The following RTTN variants were observed in gnomAD, a reference collection of about 807,000 sequenced individuals.
RTTN encodes rotatin.
A neutral mutation model predicts 269.2 loss-of-function variants in RTTN; 182 were observed. That is an observed-to-expected ratio of 0.68 (90% CI 0.60 to 0.76). The LOEUF (loss-of-function observed/expected upper bound fraction) is 0.76, where lower values mean the gene tolerates loss of function less well. RTTN is among the 30% of genes least tolerant of loss of function. The pLI, the probability that RTTN is intolerant of heterozygous loss-of-function variation, is 0.00. For synonymous variants in RTTN, 1,006 were observed against 963.5 expected (o/e 1.04, Z -0.82); for missense variants, 2,545 against 2,608.6 (o/e 0.98, Z 0.53).
intron 19 of RTTN, 102 bp from the exon 20 acceptor site, chr18:70,140,290 A>G (rs2060224166): frequency 1.5e-6 from 1 of 661,852 alleles, no homozygotes; most frequent in Non-Finnish European, 2.6e-6. Flanking sequence ...CCTTCAAACT[A>G]TTAAAAATAC....
chr18:70,062,956 T>C (rs748605083), intron 35 of RTTN, among the ~76,000 whole-genome samples: 7 of 152,156 alleles, frequency 4.6e-5, no homozygotes, highest in Non-Finnish European at 7.3e-5. Flanking sequence ...AATTTTGTTA[T>C]ATGTTTATCA....
chr18:70,007,578 G>A (rs1217981402), intron 46 of RTTN: 1 of 152,286 alleles, frequency 6.6e-6, no homozygotes, highest in Non-Finnish European at 1.5e-5. Context: ...GGGGAGAGGG[G>A]TGTCCACCAT....
intron 32 of RTTN, among the ~76,000 whole-genome samples, chr18:70,077,826 T>C (rs1167546706): frequency 4.0e-5 from 6 of 151,790 alleles, no homozygotes; most frequent in Admixed American, 6.6e-5. Flanking sequence ...CCTACCAAGA[T>C]TGAAGAAGCT....
At chr18:70,137,489 T>C (rs1163377692) in intron 21 of RTTN, among the ~76,000 whole-genome samples, 5 of 152,090 alleles carry the variant, frequency 3.3e-5, no homozygotes, top group African/African-American at 1.2e-4. Flanking sequence ...CTCCCCTGTT[T>C]AACAACCTTA....
At chr18:70,149,947 T>TAAA (rs1159547691) in intron 16 of RTTN, 24 bp downstream of exon 16, 2 of 1,473,658 alleles carry the variant, frequency 1.4e-6, no homozygotes, top group Non-Finnish European at 1.9e-6. Context: ...AATGGTATCA[T>TAAA]AAAAAGTGAA....
At chr18:70,140,077 G>GTCTA (rs1179606956) in intron 20 of RTTN, 23 bp downstream of exon 20, 5 of 1,444,976 alleles carry the variant, frequency 3.5e-6, no homozygotes, top group Non-Finnish European at 9.7e-7. Flanking sequence ...GTAAAACAAT[G>GTCTA]TCTAGATGCA....
At chr18:70,038,360 C>T (rs1028356836) in intron 40 of RTTN, among the ~76,000 whole-genome samples, 4 of 152,118 alleles carry the variant, frequency 2.6e-5, no homozygotes, top group Non-Finnish European at 5.9e-5. Context: ...TGGTGGTAGC[C>T]ACAGGGATGC....
rs1368052773 is a variant in RTTN at position 70,140,160 on chromosome 18, C to T, written c.2610G>A (p.Lys870=). 6.3e-7 allele frequency: 1 copy of T among 1,595,728 alleles called. No homozygotes were observed. Among genetic ancestry groups the T allele is most frequent in the Non-Finnish European group, 8.6e-7 (1 of 1,164,508 alleles). ...QDIKMHAVVK[K]LCLIDKIIEY... ...CAATTATTTTGTCAATTAAGCATAA[C>T]TTTTTCACCACAGCATGCATTTTAA... Residue 870 remains lysine (K), a synonymous_variant, in exon 20 of 49, where the codon AAG becomes AAA. Transcript: ENST00000640769.
intron 10 of RTTN, among the ~76,000 whole-genome samples, chr18:70,181,767 T>C (rs1363934210): frequency 6.6e-6 from 1 of 152,228 alleles, no homozygotes; most frequent in African/African-American, 2.4e-5. Flanking sequence ...ACTTGTTTGC[T>C]TCTTTTAAAA....
rs144295307 is a variant in RTTN at position 70,010,855 on chromosome 18, A to T, written c.6422-4371T>A. ...TAGACCACTAGCCTGACTAATAAAG[A>T]AGAAAAGAGAGAAGAATCAAATAGA... On this transcript the variant is annotated intron_variant, in intron 46 of 48. Coordinates refer to ENST00000640769, the MANE Select transcript of RTTN (RefSeq NM_173630.4). Among the ~76,000 whole-genome samples, 12 of 152,092 alleles carry T rather than the reference A, an allele frequency of 7.9e-5. No individual in the cohort carries two copies. In the East Asian group the frequency reaches 2.3e-3, roughly 29 times the overall value.
chr18:70,008,910 GAAC>G (rs2056282478), intron 46 of RTTN: 1 of 151,994 alleles, frequency 6.6e-6, no homozygotes, highest in African/African-American at 2.4e-5. Context: ...GAAATACAGA[GAAC>G]ACCACAAAGA....
intron 32 of RTTN, among the ~76,000 whole-genome samples, chr18:70,083,070 T>C (rs2058612549): frequency 2.6e-5 from 4 of 152,118 alleles, no homozygotes; most frequent in Admixed American, 1.3e-4. Flanking sequence ...GAAAAGTTAG[T>C]GTCCTGAATA....
In RTTN at chr18:70,092,130, A is replaced by G; in HGVS notation, c.4123T>C (p.Trp1375Arg). 1 of 1,611,694 alleles carries G rather than the reference A, an allele frequency of 6.2e-7. No individual in the cohort carries two copies. The highest frequency in any genetic ancestry group is 8.5e-7 in the Non-Finnish European group (1 of 1,177,940). The change falls in exon 30 of 49, where the codon TGG becomes CGG. Residue 1375 changes from tryptophan to arginine, a missense_variant. Coordinates refer to ENST00000640769, the MANE Select transcript of RTTN (RefSeq NM_173630.4). ...CTCACCTCTGGGTCCCGATCAACCC[A>G]TAATGGAATCAACCAAGCCAATCCT... ...QQGLAWLIPL[W>R]VDRDPEVRFT...
At chr18:70,179,711 G>C (rs1174166026) in intron 10 of RTTN, among the ~76,000 whole-genome samples, 4 of 152,198 alleles carry the variant, frequency 2.6e-5, no homozygotes, top group Admixed American at 2.0e-4. Flanking sequence ...AGATTTTATA[G>C]TGTAAACACA....
rs776033826 is a variant in RTTN, at chr18:70,205,670, A to T, written c.-12T>A. 1 of 1,614,064 alleles carries T rather than the reference A, an allele frequency of 6.2e-7. No individual in the cohort carries two copies. Among genetic ancestry groups the T allele is most frequent in the East Asian group, 2.2e-5 (1 of 44,848 alleles). The stretch of plus-strand genomic sequence containing the variant: ...CCTGCCAGGACCATCTCGTCCCGTC[A>T]ATCTGCAGCCGCCGGAGAATTAAAC... On this transcript the variant is annotated 5_prime_UTR_variant, in exon 1 of 49. Coordinates refer to ENST00000640769, the MANE Select transcript of RTTN (RefSeq NM_173630.4).
At chr18:70,067,448 C>G (rs751791065) in intron 34 of RTTN, among the ~76,000 whole-genome samples, 1 of 151,536 alleles carries the variant, frequency 6.6e-6, no homozygotes, top group East Asian at 1.9e-4. Context: ...CGTGAGCCAC[C>G]GCGCCCAGCA....
At chr18:70,026,339 G>A (rs1334017799) in intron 43 of RTTN, among the ~76,000 whole-genome samples, 2 of 152,130 alleles carry the variant, frequency 1.3e-5, no homozygotes, top group East Asian at 3.9e-4. Flanking sequence ...CTGGTGGGAG[G>A]TGTTTATATC....
At chr18:70,095,718 C>T (rs548026437) in intron 28 of RTTN, among the ~76,000 whole-genome samples, 2 of 151,966 alleles carry the variant, frequency 1.3e-5, no homozygotes, top group Admixed American at 6.6e-5. Context: ...TCTCTGGCTG[C>T]CCTTAATATA....
At chr18:70,203,077 TAAC>T (rs926512702) in intron 3 of RTTN, among the ~76,000 whole-genome samples, 6 of 152,200 alleles carry the variant, frequency 3.9e-5, no homozygotes, top group South Asian at 4.1e-4. Context: ...TACTAGGCAT[TAAC>T]AACAACACAA....
Sources: allele counts gnomAD v4.1 joint callset (sites outside exome capture counted in the v4.1 genomes callset), GRCh38; gene constraint gnomAD v4.1.1; transcripts MANE v1.5; gene names NCBI Gene and HGNC (gene_info 2026-07-23, HGNC 2026-07-21).